Variants in IP6K2 observed in about 807,000 individuals in gnomAD.
The protein encoded by IP6K2 is inositol hexakisphosphate kinase 2.
In IP6K2, 9 loss-of-function variants were observed where a neutral mutation model predicts 43.3. That is an observed-to-expected ratio of 0.21 (90% CI 0.13 to 0.36). IP6K2 has a LOEUF of 0.36. Ranked by LOEUF, IP6K2 falls within the 10% of genes least tolerant of loss-of-function variation. The pLI is 1.00. For synonymous variants in IP6K2, 209 were observed against 202.4 expected, an observed-to-expected ratio of 1.03 and a Z score of -0.28; for missense variants, 332 against 538.4, an observed-to-expected ratio of 0.62 and a Z score of 3.79.
At position 48,693,027 on chromosome 3, in the gene IP6K2, G is replaced by GT; in HGVS notation, c.354dup (p.His119ThrfsTer11). On this transcript the variant is annotated frameshift_variant, in exon 3 of 6. Coordinates refer to ENST00000328631, the MANE Select transcript of IP6K2 (RefSeq NM_016291.4). LOFTEE classifies it high-confidence loss of function. ...GTCTTTTCTGTTTCTAAGACATGAT[G>GT]TTTTTTGTTTGTTGTCCACCTTAGG... The GT allele has an allele frequency of 6.2e-7, 1 of 1,614,216 alleles. No homozygotes were observed. The highest frequency in any genetic ancestry group is 1.1e-5 in the South Asian group (1 of 91,090).
chr3:48,709,319 A>G (rs942826567), intron 1 of IP6K2, among the ~76,000 whole-genome samples: 13 of 152,224 alleles, frequency 8.5e-5, no homozygotes, highest in Non-Finnish European at 1.6e-4. Context: ...AGTGTACCCT[A>G]TGCAGCACTA....
In IP6K2 at chr3:48,695,074, A is replaced by G. The variant is rs1353532963; in HGVS notation, c.202+16T>C. ...TCCTCGCCAGTGTGGCAACCCCTCC[A>G]GCAGCTGGGACTTACCTTTGTACTG... On this transcript the variant is annotated intron_variant, in intron 2 of 5. Coordinates refer to ENST00000328631, the MANE Select transcript of IP6K2 (RefSeq NM_016291.4). This position sits in a 1 kb window ranked among gnomAD's most constrained non-coding sequence, Gnocchi z 4.6. 6.2e-7 allele frequency: 1 copy of G among 1,614,104 alleles called. No homozygotes were observed. The highest frequency in any genetic ancestry group is 1.7e-5 in the Admixed American group (1 of 60,020).
chr3:48,698,295 G>T (rs777078972), intron 1 of IP6K2, among the ~76,000 whole-genome samples: 28 of 152,158 alleles, frequency 1.8e-4, no homozygotes, highest in Non-Finnish European at 4.1e-4. Context: ...GCACATGTCA[G>T]GTACCATAAT....
intron 2 of IP6K2, chr3:48,694,675 A>G (rs1245235668): frequency 1.1e-5 from 17 of 1,507,002 alleles, no homozygotes; most frequent in African/African-American, 4.2e-5. Context: ...ATCTGACTCA[A>G]CGCTGCTCCC....
intron 1 of IP6K2, among the ~76,000 whole-genome samples, chr3:48,700,799 C>A (rs1361301777): frequency 1.3e-5 from 2 of 152,118 alleles, no homozygotes; most frequent in African/African-American, 4.8e-5. Context: ...AGAAAAGCCC[C>A]AGGGTCAGGC....
chr3:48,694,642 C>G, intron 2 of IP6K2: 1 of 1,512,920 alleles, frequency 6.6e-7, no homozygotes, highest in Non-Finnish European at 8.8e-7. Flanking sequence ...CTAATCAGCA[C>G]AGGCCTCCCA....
At chr3:48,711,602 C>G (rs562317266) in intron 1 of IP6K2, 2 of 152,270 alleles carry the variant, frequency 1.3e-5, no homozygotes, top group East Asian at 3.9e-4. Flanking sequence ...AGATACTGTT[C>G]AAGGAATGAC....
At chr3:48,710,398 A>C (rs1195997583) in intron 1 of IP6K2, among the ~76,000 whole-genome samples, 1 of 152,200 alleles carries the variant, frequency 6.6e-6, no homozygotes, top group Non-Finnish European at 1.5e-5. Flanking sequence ...TCTCTAAAAA[A>C]AGTAAAAATA....
intron 1 of IP6K2, among the ~76,000 whole-genome samples, chr3:48,705,801 G>A (rs887877303): frequency 6.2e-4 from 92 of 149,418 alleles, no homozygotes; most frequent in Non-Finnish European, 7.8e-4. Context: ...CCAGGAGTTC[G>A]AGACCAGCCT....
At chr3:48,716,700 C>T (rs938309742) in intron 1 of IP6K2, among the ~76,000 whole-genome samples, 1 of 152,168 alleles carries the variant, frequency 6.6e-6, no homozygotes, top group Non-Finnish European at 1.5e-5. Flanking sequence ...GGTAACAGTA[C>T]CTGAGGCGCT....
chr3:48,708,525 C>A (rs2080090991), intron 1 of IP6K2, among the ~76,000 whole-genome samples: 1 of 151,664 alleles, frequency 6.6e-6, no homozygotes, highest in Admixed American at 6.6e-5. Flanking sequence ...AGTCAACTGG[C>A]CAAATTTTCT....
chr3:48,712,304 G>A (rs1049104193), intron 1 of IP6K2, among the ~76,000 whole-genome samples: 5 of 149,646 alleles, frequency 3.3e-5, no homozygotes, highest in Admixed American at 6.7e-5. Flanking sequence ...GTGCAGTGGC[G>A]CGATCTCGGC....
chr3:48,707,961 T>C (rs575362751), intron 1 of IP6K2, among the ~76,000 whole-genome samples: 2 of 152,276 alleles, frequency 1.3e-5, no homozygotes, highest in Admixed American at 1.3e-4. Context: ...ACCAGGTTTC[T>C]GGAATGACAG....
chr3:48,693,430 A>G (rs2077977534), intron 2 of IP6K2: 2 of 1,397,528 alleles, frequency 1.4e-6, no homozygotes, highest in Admixed American at 2.7e-5. Flanking sequence ...GGCAAGAGCC[A>G]AAGAATTACA....
chr3:48,715,412 G>A (rs1262349607), intron 1 of IP6K2: 5 of 1,536,122 alleles, frequency 3.3e-6, no homozygotes, highest in Non-Finnish European at 4.4e-6. Context: ...ATCCCTCTTG[G>A]AAGGGAGACT....
At position 48,695,349 on chromosome 3, in the gene IP6K2, G is replaced by C; in HGVS notation, c.-58C>G. On this transcript the variant is annotated 5_prime_UTR_variant, in exon 2 of 6. Transcript: ENST00000328631. The surrounding 1 kb of genome is among the most constrained non-coding windows in gnomAD (Gnocchi z 4.6). ...GGCAGCGGAGTCCAGCGGCCAGTACGTCTTCTGTCTGTTGTTTGTCCGTGT... is the reference window on the plus strand; with the variant it reads ...GGCAGCGGAGTCCAGCGGCCAGTACCTCTTCTGTCTGTTGTTTGTCCGTGT... 6.5e-7 allele frequency: 1 copy of C among 1,545,556 alleles called. No homozygotes were observed. The highest frequency in any genetic ancestry group is 8.7e-7 in the Non-Finnish European group (1 of 1,146,670).
At chr3:48,713,816 AAAAG>A (rs943764066) in intron 1 of IP6K2, among the ~76,000 whole-genome samples, 2 of 151,570 alleles carry the variant, frequency 1.3e-5, no homozygotes, top group Admixed American at 6.6e-5. Flanking sequence ...AGTAATACAA[AAAAG>A]AAAGAAAAAG....
intron 1 of IP6K2, chr3:48,715,325 T>C: frequency 6.5e-7 from 1 of 1,536,148 alleles, no homozygotes; most frequent in Non-Finnish European, 8.7e-7. Flanking sequence ...CTCAGTAAGC[T>C]GGCCTCAGGG....
At chr3:48,715,116 C>A (rs1292550961) in intron 1 of IP6K2, among the ~76,000 whole-genome samples, 1 of 152,004 alleles carries the variant, frequency 6.6e-6, no homozygotes, top group Non-Finnish European at 1.5e-5. Context: ...CACAAATAGG[C>A]AAAAACATAA....
Sources: gnomAD v4.1 joint callset for allele counts (sites outside exome capture counted in the v4.1 genomes callset) on GRCh38, gnomAD v4.1.1 for gene constraint, Gnocchi (gnomAD v3.1) non-coding constraint, MANE v1.5 for transcripts, NCBI Gene and HGNC (gene_info 2026-07-23, HGNC 2026-07-21) for gene names.